The following MARCHF7 variants were observed in gnomAD, a reference collection of about 807,000 sequenced individuals.
MARCHF7 encodes the protein E3 ubiquitin-protein ligase MARCHF7.
Under a neutral mutation model 76.5 loss-of-function variants are expected in MARCHF7, and 20 were observed. The observed-to-expected ratio is 0.26, with a 90% CI of 0.18 to 0.38. The LOEUF is 0.38. Ranked by LOEUF, MARCHF7 falls within the 10% of genes least tolerant of loss-of-function variation. MARCHF7 has a pLI of 1.00. For synonymous variants in MARCHF7, 295 were observed against 293.0 expected, an observed-to-expected ratio of 1.01 and a Z score of -0.07; for missense variants, 797 against 812.9, an observed-to-expected ratio of 0.98 and a Z score of 0.24.
At chr2:159,735,504 C>A (rs1703345723) in intron 4 of MARCHF7, among the ~76,000 whole-genome samples, 2 of 152,186 alleles carry the variant, frequency 1.3e-5, no homozygotes, top group South Asian at 4.1e-4. Flanking sequence ...CCTACCAGTG[C>A]AAAGCAACCA....
At chr2:159,731,302 C>T (rs369261857) in intron 4 of MARCHF7, among the ~76,000 whole-genome samples, 3 of 152,080 alleles carry the variant, frequency 2.0e-5, no homozygotes, top group Non-Finnish European at 4.4e-5. Flanking sequence ...TAAATGTTAG[C>T]TACTGTTGCA....
At chr2:159,749,555 C>T (rs1705356473) in intron 7 of MARCHF7, among the ~76,000 whole-genome samples, 1 of 151,444 alleles carries the variant, frequency 6.6e-6, no homozygotes, top group Non-Finnish European at 1.5e-5. Flanking sequence ...ACCACATTGG[C>T]CAGGCTGGTC....
At chr2:159,740,061 A>G (rs1488121709) in intron 4 of MARCHF7, among the ~76,000 whole-genome samples, 1 of 152,126 alleles carries the variant, frequency 6.6e-6, no homozygotes, top group Non-Finnish European at 1.5e-5. Flanking sequence ...TTTTTTCTCT[A>G]TTTCTCACAT....
intron 3 of MARCHF7, among the ~76,000 whole-genome samples, chr2:159,718,055 G>C (rs1413256804): frequency 6.6e-6 from 1 of 152,202 alleles, no homozygotes; most frequent in African/African-American, 2.4e-5. Context: ...ATAATAGCTA[G>C]TATTTGCTGA....
intron 4 of MARCHF7, chr2:159,734,084 T>C: frequency 7.5e-7 from 1 of 1,337,958 alleles, no homozygotes; most frequent in Non-Finnish European, 9.8e-7. Context: ...TTAGTAACAG[T>C]AAGCAAAATT....
At chr2:159,726,858 T>C (rs144853137) in intron 3 of MARCHF7, among the ~76,000 whole-genome samples, 131 of 152,364 alleles carry the variant, frequency 8.6e-4, no homozygotes, top group African/African-American at 2.9e-3. Context: ...TTATTTTTAA[T>C]GTATCTTTTC....
intron 4 of MARCHF7, among the ~76,000 whole-genome samples, chr2:159,741,653 CTG>C (rs1168211652): frequency 6.6e-6 from 1 of 152,166 alleles, no homozygotes. Context: ...TGAATGTAGA[CTG>C]AAATTATGGC....
In MARCHF7 at chr2:159,762,991, C is replaced by T. The variant is rs756184632; in HGVS notation, c.2005C>T (p.Arg669Ter). 8 of 1,605,454 alleles carry T rather than the reference C, an allele frequency of 5.0e-6. No individual in the cohort carries two copies. Among genetic ancestry groups the T allele is most frequent in the Admixed American group, 1.7e-5 (1 of 58,786 alleles). The stretch of plus-strand genomic sequence containing the variant: ...TACAAATGAACCAAGCACACGTGTC[C>T]GAGTAAGTAATAATGAAGTTGGGGA... ...GNTNEPSTRV[R>*]FINLARTLQA... Residue 669 changes from arginine to a stop codon, truncating the protein, a stop_gained and splice_region_variant, in exon 10 of 12, where the codon CGA becomes TGA. Transcript: ENST00000409175. LOFTEE classifies it high-confidence loss of function.
chr2:159,740,900 G>C (rs1175667953), intron 4 of MARCHF7, among the ~76,000 whole-genome samples: 1 of 152,144 alleles, frequency 6.6e-6, no homozygotes, highest in Non-Finnish European at 1.5e-5. Context: ...CATATTGGCT[G>C]GGTGCAGTGC....
In MARCHF7 at chr2:159,762,865, G is replaced by T; in HGVS notation, c.1894-15G>T. ...TCTGTATTTTTCTTTTCTCCTGTTT[G>T]CTTCCCTGTTGAAGGCTGAGTATGA... On this transcript the variant is annotated splice_polypyrimidine_tract_variant and intron_variant, in intron 9 of 11. Coordinates refer to ENST00000409175, the MANE Select transcript of MARCHF7 (RefSeq NM_001282805.2). 2 of 1,530,924 alleles carry T rather than the reference G, an allele frequency of 1.3e-6. No homozygotes were observed. The highest frequency in any genetic ancestry group is 1.8e-6 in the Non-Finnish European group (2 of 1,118,032). 94.8% of individuals were successfully genotyped at this position (1,530,924 alleles called of 1,614,324 possible). A position where few individuals can be genotyped will look rare whatever the true frequency, so the allele number is the denominator to read the frequency against.
In MARCHF7 at chr2:159,768,031, A is replaced by G. The variant is rs963548661; in HGVS notation, c.*689A>G. 4 of 152,562 alleles carry G rather than the reference A, an allele frequency of 2.6e-5. No homozygotes were observed. The highest frequency in any genetic ancestry group is 6.5e-5 in the Admixed American group (1 of 15,272). 9.5% of individuals were successfully genotyped at this position (152,562 alleles called of 1,614,324 possible). A position where few individuals can be genotyped will look rare whatever the true frequency, so the allele number is the denominator to read the frequency against. ...ATATTTGATAGGCTATAGTATGTAG[A>G]TATTCCTTTTAGGAATATTACAGCT... is the stretch of plus-strand genomic sequence containing the variant. On this transcript the variant is annotated 3_prime_UTR_variant, in exon 12 of 12. Coordinates refer to ENST00000409175, the MANE Select transcript of MARCHF7 (RefSeq NM_001282805.2).
rs145577432 is a variant in MARCHF7 at position 159,741,336 on chromosome 2, G to A, written c.154-1725G>A. Among the ~76,000 whole-genome samples, 507 of 152,284 alleles carry A rather than the reference G, an allele frequency of 3.3e-3. 2 individuals carry two copies. In the Middle Eastern group the frequency reaches 0.045, roughly 13 times the overall value. On this transcript the variant is annotated intron_variant, in intron 4 of 11. Coordinates refer to ENST00000409175, the MANE Select transcript of MARCHF7 (RefSeq NM_001282805.2). ...ACTGCACTCCAGCCTGGGCAACAGA[G>A]TGAGATGCTGTCTCAAAAAAAAACA...
chr2:159,761,366 A>G (rs1333191929), intron 9 of MARCHF7, among the ~76,000 whole-genome samples: 4 of 148,478 alleles, frequency 2.7e-5, no homozygotes, highest in Non-Finnish European at 5.9e-5. Context: ...TATTATTTCA[A>G]GTTAAAAATA....
chr2:159,745,630 TG>T, intron 5 of MARCHF7, 139 bp from the exon 6 acceptor site: 1 of 550,448 alleles, frequency 1.8e-6, no homozygotes, highest in Non-Finnish European at 3.0e-6. Context: ...CACTCCAGCC[TG>T]GGTGACAGAG....
chr2:159,726,082 G>A (rs1364723064), intron 3 of MARCHF7, among the ~76,000 whole-genome samples: 3 of 152,114 alleles, frequency 2.0e-5, no homozygotes, highest in South Asian at 4.1e-4. Context: ...ATTGCATGTC[G>A]TGTGTGGGAG....
intron 3 of MARCHF7, among the ~76,000 whole-genome samples, chr2:159,722,038 T>C (rs1701696107): frequency 6.6e-6 from 1 of 152,260 alleles, no homozygotes; most frequent in Non-Finnish European, 1.5e-5. Context: ...AGATTGTACA[T>C]GTGAACTTTT....
intron 9 of MARCHF7, 57 bp downstream of exon 9, chr2:159,759,392 T>A (rs1574428009): frequency 1.2e-6 from 1 of 818,606 alleles, no homozygotes; most frequent in East Asian, 2.6e-5. Flanking sequence ...AGGACAGCTC[T>A]TGAAGAAAAG....
intron 3 of MARCHF7, among the ~76,000 whole-genome samples, chr2:159,716,532 C>G (rs2125266619): frequency 6.6e-6 from 1 of 152,096 alleles, no homozygotes; most frequent in East Asian, 1.9e-4. Context: ...TGCCTGTAGT[C>G]CAGGCTACTC....
At chr2:159,760,733 G>C (rs958093377) in intron 9 of MARCHF7, among the ~76,000 whole-genome samples, 7 of 141,886 alleles carry the variant, frequency 4.9e-5, no homozygotes, top group African/African-American at 1.8e-4. Context: ...TTTTGTTTTT[G>C]TTTTTTGTTT....
Sources: allele counts gnomAD v4.1 joint callset (sites outside exome capture counted in the v4.1 genomes callset), GRCh38; gene constraint gnomAD v4.1.1; transcripts MANE v1.5; gene names NCBI Gene and HGNC (gene_info 2026-07-23, HGNC 2026-07-21).